Variants in MYO1C observed in about 807,000 individuals in gnomAD.
The protein encoded by MYO1C is unconventional myosin-Ic.
Under a neutral mutation model 150.8 loss-of-function variants are expected in MYO1C, and 104 were observed. The observed-to-expected ratio is 0.69, with a 90% confidence interval of 0.59 to 0.81. The LOEUF (loss-of-function observed/expected upper bound fraction) is 0.81, where lower values mean the gene tolerates loss of function less well. MYO1C is among the 30% of genes least tolerant of loss of function. MYO1C has a pLI of 0.00. For missense variants in MYO1C, 1,504 were observed against 1,435.0 expected, an observed-to-expected ratio of 1.05 and a Z score of -0.78; for synonymous variants, 663 against 579.9, an observed-to-expected ratio of 1.14 and a Z score of -2.06.
At position 1,484,244 on chromosome 17, in the gene MYO1C, C is replaced by A. The variant is rs114221590; in HGVS notation, c.135G>T (p.Arg45=). ...GCAGCACGAAATCCTGCACCCCCAC[C>A]CGGTCACGGGCGGTGAGCGCACTCT... ...TMESALTARD[R]VGVQDFVLLE... is the part of the protein sequence containing the mutation. Residue 45 remains arginine, a synonymous_variant, in exon 2 of 32, where the codon CGG becomes CGT. Coordinates refer to ENST00000648651, the MANE Select transcript of MYO1C (RefSeq NM_001080779.2). 7.4e-6 allele frequency: 12 copies of A among 1,612,592 alleles called. No individual in the cohort carries two copies. Among genetic ancestry groups the A allele is most frequent in the Admixed American group, 3.3e-5 (2 of 60,004 alleles).
chr17:1,484,270 C>T lies in MYO1C; in HGVS notation c.109G>A (p.Glu37Lys). The T allele has an allele frequency of 6.2e-7, 1 of 1,611,696 alleles. No individual in the cohort carries two copies. Residue 37 changes from glutamate (E) to lysine (K), a missense_variant, in exon 2 of 32, where the codon GAG (glutamate) becomes AAG (lysine). Glu to Lys is a moderately conservative substitution (Grantham distance 56, BLOSUM62 1). Transcript: ENST00000648651. ...CGGTCACGGGCGGTGAGCGCACTCT[C>T]CATGGTCACCCGAACCCCGTCACTG... ...LGSDGVRVTM[E>K]SALTARDRVG...
chr17:1,486,269 T>C (rs562383415), intron 1 of MYO1C: 93 of 152,316 alleles, frequency 6.1e-4, no homozygotes, highest in African/African-American at 2.2e-3. Context: ...CGCCGGGGCC[T>C]GGTCCGAGCC....
Position 1,480,645 on chromosome 17 carries a change from G to A in MYO1C, c.808-20C>T, listed in dbSNP as rs771790229. Reference sequence around the variant, plus strand: ...CTGGCCCTGGAGGAAGGGCACAGCTGGGTTGCCAGCCCTGGCACCAGATCC... The same window carrying A: ...CTGGCCCTGGAGGAAGGGCACAGCTAGGTTGCCAGCCCTGGCACCAGATCC... On this transcript the variant is annotated intron_variant, in intron 6 of 31. Transcript: ENST00000648651. 1.9e-6 allele frequency: 3 copies of A among 1,613,930 alleles called. No homozygotes were observed. Among genetic ancestry groups the A allele is most frequent in the South Asian group, 2.2e-5 (2 of 91,064 alleles).
chr17:1,473,092 C>T (rs143443666), intron 17 of MYO1C, among the ~76,000 whole-genome samples: 39 of 152,300 alleles, frequency 2.6e-4, no homozygotes, highest in African/African-American at 7.5e-4. Flanking sequence ...CCCAGCTACT[C>T]GTGAGTGTGA....
Position 1,479,633 on chromosome 17 carries a change from C to G in MYO1C, c.979G>C (p.Ala327Pro). Residue 327 changes from alanine (A) to proline (P), a missense_variant, in exon 8 of 32, where the codon GCC (alanine) becomes CCC (proline). Ala to Pro is a conservative substitution (Grantham distance 27). Transcript: ENST00000648651. The surrounding 1 kb of genome is among the most constrained non-coding windows in gnomAD (Gnocchi z 4.2). ...IHFAANEESNAQVTTENQLKY... is the reference protein window; with the variant it reads ...IHFAANEESNPQVTTENQLKY... ...AGCTGGTTCTCGGTGGTGACCTGGGCATTGCTCTCCTCGTTGGCAGCAAAG... is the reference window on the plus strand; with the variant it reads ...AGCTGGTTCTCGGTGGTGACCTGGGGATTGCTCTCCTCGTTGGCAGCAAAG... 6.2e-7 allele frequency: 1 copy of G among 1,613,670 alleles called. No homozygotes were observed. Among genetic ancestry groups the G allele is most frequent in the Non-Finnish European group, 8.5e-7 (1 of 1,179,898 alleles).
intron 7 of MYO1C, among the ~76,000 whole-genome samples, chr17:1,480,168 AG>A (rs2074489162): frequency 7.5e-6 from 1 of 133,760 alleles, no homozygotes; most frequent in African/African-American, 3.0e-5. Flanking sequence ...AAAAAAAAAA[AG>A]GGATTACTGG....
Position 1,474,963 on chromosome 17 carries a change from C to T in MYO1C, c.1644G>A (p.Ala548=), listed in dbSNP as rs551011507. Residue 548 remains alanine (A), a synonymous_variant, in exon 15 of 32, where the codon GCG becomes GCA. Transcript: ENST00000648651. ...CGGTCACGCTGTAGGTCACCTCCCC[C>T]GCATAGTGCAGAAGGCGGAATTCCC... The part of the protein sequence containing the change: ...GRGEFRLLHY[A]GEVTYSVTGF... The T allele has an allele frequency of 2.1e-5, 33 of 1,578,550 alleles. No individual in the cohort carries two copies. In the East Asian group the frequency reaches 3.0e-4, roughly 15 times the overall value.
chr17:1,490,296 G>A (rs1182797372), intron 1 of MYO1C, among the ~76,000 whole-genome samples: 1 of 150,272 alleles, frequency 6.7e-6, no homozygotes, highest in Non-Finnish European at 1.5e-5. Flanking sequence ...AGGAGATTGA[G>A]ACCATCCTGG....
At chr17:1,477,692 AG>A in intron 13 of MYO1C, 96 bp from the exon 14 acceptor site, 1 of 1,085,800 alleles carries the variant, frequency 9.2e-7, no homozygotes, top group African/African-American at 1.5e-5. Flanking sequence ...GACACAGGGG[AG>A]GGGCAGATCA....
chr17:1,474,609 C>A lies in MYO1C; in HGVS notation c.1797+1G>T, dbSNP rs1368500964. On this transcript the variant is annotated splice_donor_variant, in intron 17 of 31. Coordinates refer to ENST00000648651, the MANE Select transcript of MYO1C (RefSeq NM_001080779.2). LOFTEE classifies it high-confidence loss of function. The stretch of plus-strand genomic sequence containing the variant: ...TGCGCCCGGTCCCGCCACCTCCTCA[C>A]CGTCTCTGGCCGCTTCTTGTCACTG... 6.2e-7 allele frequency: 1 copy of A among 1,613,766 alleles called. No individual in the cohort carries two copies. Among genetic ancestry groups the A allele is most frequent in the Middle Eastern group, 1.7e-4 (1 of 5,996 alleles).
In MYO1C at chr17:1,471,244, G is replaced by A. The variant is rs1238190426; in HGVS notation, c.2114C>T (p.Pro705Leu). The change falls in exon 20 of 32, where the codon CCA becomes CTA. Residue 705 changes from proline (P) to leucine (L), a missense_variant. Coordinates refer to ENST00000648651, the MANE Select transcript of MYO1C (RefSeq NM_001080779.2). ...AVLVRHLGYK[P>L]EEYKMGRTKI... The stretch of plus-strand genomic sequence containing the variant: ...CCACCTGCCCATCTTGTACTCTTCT[G>A]GCTTGTAGCCCAGGTGTCGGACCAG... 2 of 1,613,852 alleles carry A rather than the reference G, an allele frequency of 1.2e-6. No individual in the cohort carries two copies. The highest frequency in any genetic ancestry group is 1.7e-6 in the Non-Finnish European group (2 of 1,179,998).
intron 17 of MYO1C, among the ~76,000 whole-genome samples, chr17:1,472,891 CAAG>C (rs1231470187): frequency 2.0e-5 from 3 of 152,050 alleles, no homozygotes; most frequent in Non-Finnish European, 4.4e-5. Context: ...ACAAGGGAGA[CAAG>C]GAGAGAAAAG....
At chr17:1,472,491 G>A (rs867368664) in intron 17 of MYO1C, 1 of 517,746 alleles carries the variant, frequency 1.9e-6, no homozygotes, top group African/African-American at 1.9e-5. Context: ...CAACCTCAGT[G>A]CTACACCTCC....
chr17:1,488,164 T>A lies in MYO1C; in HGVS notation c.76-3861A>T, dbSNP rs1354965786. Among the ~76,000 whole-genome samples, 3 of 151,924 alleles carry A rather than the reference T, an allele frequency of 2.0e-5. No homozygotes were observed. In the East Asian group the frequency reaches 5.8e-4, roughly 30 times the overall value. On this transcript the variant is annotated intron_variant, in intron 1 of 31. Transcript: ENST00000648651. ...GCGGCCGCAGTGTCCGCCCCGCCCC[T>A]CCACGTCACGCGGTTGGAATGAGGG...
chr17:1,467,801 C>T (rs780708656), intron 29 of MYO1C, 39 bp downstream of exon 29: 5 of 999,660 alleles, frequency 5.0e-6, no homozygotes, highest in Non-Finnish European at 7.5e-6. Context: ...ATCTACCTCC[C>T]CCATCCCCCA....
chr17:1,490,121 T>C (rs2074711893), intron 1 of MYO1C, among the ~76,000 whole-genome samples: 1 of 151,934 alleles, frequency 6.6e-6, no homozygotes, highest in Non-Finnish European at 1.5e-5. Flanking sequence ...GTGGCACTGT[T>C]TGAGCTGGTC....
chr17:1,469,391 G>A (rs1181590832), intron 25 of MYO1C, 140 bp downstream of exon 25: 1 of 796,650 alleles, frequency 1.3e-6, no homozygotes, highest in South Asian at 1.5e-5. Flanking sequence ...GGGTAAATAC[G>A]GTAGATCGGG....
Position 1,474,990 on chromosome 17 carries a change from T to C in MYO1C, c.1617A>G (p.Arg539=). ...ADQRTRKSLG[R]GEFRLLHYAG... The stretch of plus-strand genomic sequence containing the variant: ...CATAGTGCAGAAGGCGGAATTCCCC[T>C]CGGCCCAGAGATTTCCTGGTCCGCT... Residue 539 remains arginine (R), a synonymous_variant, in exon 15 of 32, where the codon CGA becomes CGG. Coordinates refer to ENST00000648651, the MANE Select transcript of MYO1C (RefSeq NM_001080779.2). 6.4e-7 allele frequency: 1 copy of C among 1,557,228 alleles called. No homozygotes were observed. Among genetic ancestry groups the C allele is most frequent in the Admixed American group, 1.9e-5 (1 of 51,452 alleles).
chr17:1,478,248 G>C lies in MYO1C; in HGVS notation c.1296-56C>G, dbSNP rs1333264561. ...TCAGTGGGGACACAGGACCAGGAGA[G>C]GGGAAAAGCTGGACGACGCCCCTGA... On this transcript the variant is annotated intron_variant, in intron 11 of 31. Transcript: ENST00000648651. This position sits in a 1 kb window ranked among gnomAD's most constrained non-coding sequence, Gnocchi z 6.3. 43 of 1,584,328 alleles carry C rather than the reference G, an allele frequency of 2.7e-5. No homozygotes were observed. Among genetic ancestry groups the C allele is most frequent in the Non-Finnish European group, 3.6e-5 (42 of 1,154,596 alleles).
Sources: allele counts gnomAD v4.1 joint callset (sites outside exome capture counted in the v4.1 genomes callset), GRCh38; gene constraint gnomAD v4.1.1; non-coding constraint Gnocchi (gnomAD v3.1); transcripts MANE v1.5; gene names NCBI Gene and HGNC (gene_info 2026-07-23, HGNC 2026-07-21).